The following NVL variants were observed in gnomAD, a reference collection of about 807,000 sequenced individuals.
NVL encodes the protein nuclear VCP like, also known as nuclear valosin-containing protein-like.
Under a neutral mutation model 110.2 loss-of-function variants are expected in NVL, and 84 were observed. The ratio of observed to expected loss-of-function variants is 0.76; its 90% CI spans 0.64 to 0.91. The LOEUF is 0.91. Among genes scored for constraint, NVL ranks in the 40% least tolerant of loss-of-function variants. The pLI, the probability that NVL is intolerant of heterozygous loss-of-function variation, is 0.00. For synonymous variants in NVL, 354 were observed against 361.1 expected, an observed-to-expected ratio of 0.98 and a Z score of 0.22; for missense variants, 882 against 1,035.9, an observed-to-expected ratio of 0.85 and a Z score of 2.04.
chr1:224,310,127 G>A (rs186260160), intron 5 of NVL, among the ~76,000 whole-genome samples: 2,214 of 138,076 alleles, frequency 0.016, 23 homozygotes, highest in Non-Finnish European at 0.028. Context: ...CTCCAGCCTC[G>A]GTGATCACAC....
chr1:224,281,321 G>C, intron 15 of NVL, 136 bp from the exon 16 acceptor site: 2 of 679,610 alleles, frequency 2.9e-6, no homozygotes, highest in South Asian at 3.5e-5. Flanking sequence ...GTGAGATTTA[G>C]ATGGAGTCTT....
In NVL at chr1:224,324,658, T is replaced by G. The variant is rs1003448975; in HGVS notation, c.131+1733A>C. On this transcript the variant is annotated intron_variant, in intron 2 of 22. Transcript: ENST00000281701. ...TATGTTCCCCAAGTTGGTCTTGAAC[T>G]CTATGGCCTTAAGCCAATGGCCCCT... Among the ~76,000 whole-genome samples the G allele has an allele frequency of 9.9e-5, 15 of 152,206 alleles. No homozygotes were observed. In the South Asian group the frequency reaches 1.4e-3, roughly 15 times the overall value.
chr1:224,257,064 A>T (rs1030808536), intron 18 of NVL: 1 of 532,846 alleles, frequency 1.9e-6, no homozygotes, highest in East Asian at 5.5e-5. Flanking sequence ...CTCTCAACCC[A>T]GCTTTTCCCA....
intron 1 of NVL, among the ~76,000 whole-genome samples, chr1:224,329,032 G>A (rs77167210): frequency 0.057 from 8,646 of 151,784 alleles, 283 homozygotes; most frequent in East Asian, 0.095. Context: ...GTGGAACCCC[G>A]TCTCTACAAA....
intron 10 of NVL, 21 bp from the exon 11 acceptor site, chr1:224,296,639 A>G (rs1667909906): frequency 1.4e-6 from 2 of 1,445,510 alleles, no homozygotes; most frequent in Non-Finnish European, 1.9e-6. Flanking sequence ...AAATATCACA[A>G]AAAGACAATC....
At position 224,300,592 on chromosome 1, in the gene NVL, C is replaced by T. The variant is rs781255885; in HGVS notation, c.1032G>A (p.Gln344=). The T allele has an allele frequency of 6.2e-7, 1 of 1,614,002 alleles. No homozygotes were observed. Among genetic ancestry groups the T allele is most frequent in the South Asian group, 1.1e-5 (1 of 91,062 alleles). ...IVSGVSGESE[Q]KLRELFEQAV... is the part of the protein sequence containing the mutation. Reference sequence around the variant, plus strand: ...CTTGCTCAAATAGTTCTCTCAGCTTCTGCTCAGACTCTCCGGATACTCCAG... The same window carrying T: ...CTTGCTCAAATAGTTCTCTCAGCTTTTGCTCAGACTCTCCGGATACTCCAG... The change falls in exon 10 of 23, where the codon CAG becomes CAA. Residue 344 remains glutamine (Q), a synonymous_variant. Transcript: ENST00000281701.
chr1:224,328,241 A>G (rs1032641699), intron 1 of NVL, among the ~76,000 whole-genome samples: 2 of 152,024 alleles, frequency 1.3e-5, no homozygotes. Flanking sequence ...TTCCCTTTAA[A>G]AGGATGTCTT....
intron 17 of NVL, among the ~76,000 whole-genome samples, chr1:224,270,876 T>C (rs1665023047): frequency 6.6e-6 from 1 of 152,196 alleles, no homozygotes; most frequent in South Asian, 2.1e-4. Context: ...TGATAGGAAA[T>C]GGTTATTTTC....
At chr1:224,304,881 T>C (rs1042786660) in intron 7 of NVL, 69 bp from the exon 8 acceptor site, 2 of 1,491,488 alleles carry the variant, frequency 1.3e-6, no homozygotes, top group Middle Eastern at 1.7e-4. Flanking sequence ...TAATGAATAG[T>C]CTTTAAGTAA....
intron 6 of NVL, among the ~76,000 whole-genome samples, chr1:224,306,529 G>A (rs1572020943): frequency 6.6e-6 from 1 of 152,262 alleles, no homozygotes; most frequent in African/African-American, 2.4e-5. Flanking sequence ...GTCTCCCAAA[G>A]TGCTGGGAAT....
At chr1:224,238,391 G>A (rs998920095) in intron 19 of NVL, among the ~76,000 whole-genome samples, 1 of 152,124 alleles carries the variant, frequency 6.6e-6, no homozygotes. Flanking sequence ...CACAGGGTTC[G>A]GCGACCTGGC....
chr1:224,250,579 A>G (rs1662357882), intron 18 of NVL, among the ~76,000 whole-genome samples: 1 of 151,902 alleles, frequency 6.6e-6, no homozygotes, highest in African/African-American at 2.4e-5. Context: ...TTTTATTTCA[A>G]TAGGTTTTTG....
chr1:224,242,767 C>T (rs1279017129), intron 19 of NVL, among the ~76,000 whole-genome samples: 1 of 151,542 alleles, frequency 6.6e-6, no homozygotes, highest in Non-Finnish European at 1.5e-5. Context: ...CATGCCCAAC[C>T]AAATTTATTC....
At chr1:224,257,377 G>A (rs1571857348) in intron 18 of NVL, among the ~76,000 whole-genome samples, 1 of 152,276 alleles carries the variant, frequency 6.6e-6, no homozygotes, top group African/African-American at 2.4e-5. Context: ...AGAGGTAACA[G>A]TAGCAACTTT....
chr1:224,261,532 A>G (rs1312686420), intron 18 of NVL, among the ~76,000 whole-genome samples: 1 of 152,236 alleles, frequency 6.6e-6, no homozygotes, highest in African/African-American at 2.4e-5. Context: ...TGTGAAAAAG[A>G]GAATGCAAAG....
At chr1:224,280,760 A>G (rs985049320) in intron 16 of NVL, among the ~76,000 whole-genome samples, 1 of 152,252 alleles carries the variant, frequency 6.6e-6, no homozygotes, top group Non-Finnish European at 1.5e-5. Context: ...GAAGGAAGAT[A>G]CAGCACTTGA....
intron 13 of NVL, chr1:224,289,207 C>A: frequency 2.7e-6 from 1 of 366,966 alleles, no homozygotes; most frequent in South Asian, 3.8e-5. Flanking sequence ...CTTTAATTTA[C>A]AAAAACACGT....
At chr1:224,306,133 T>C (rs1558337743) in intron 6 of NVL, among the ~76,000 whole-genome samples, 1 of 152,226 alleles carries the variant, frequency 6.6e-6, no homozygotes. Context: ...GGGACACACC[T>C]GTAGCCCCAG....
intron 21 of NVL, among the ~76,000 whole-genome samples, chr1:224,232,704 A>T (rs114611665): frequency 6.0e-4 from 91 of 152,294 alleles, no homozygotes; most frequent in African/African-American, 2.0e-3. Flanking sequence ...AACATTAAAG[A>T]CACTGTCAAA....
Sources: allele counts gnomAD v4.1 joint callset (sites outside exome capture counted in the v4.1 genomes callset), GRCh38; gene constraint gnomAD v4.1.1; transcripts MANE v1.5; gene names NCBI Gene and HGNC (gene_info 2026-07-23, HGNC 2026-07-21).